Variants in QSER1 observed in about 807,000 individuals in gnomAD.
QSER1 encodes glutamine and serine rich 1, also known as glutamine and serine-rich protein 1.
In QSER1, 49 loss-of-function variants were observed where a neutral mutation model predicts 158.5. The ratio of observed to expected loss-of-function variants is 0.31; its 90% CI spans 0.25 to 0.39. The LOEUF (loss-of-function observed/expected upper bound fraction) is 0.39. Among genes scored for constraint, QSER1 ranks in the 10% least tolerant of loss-of-function variants. QSER1 has a pLI of 1.00. For missense variants in QSER1, 1,754 were observed against 2,010.3 expected, an observed-to-expected ratio of 0.87 and a Z score of 2.44; for synonymous variants, 650 against 715.5, an observed-to-expected ratio of 0.91 and a Z score of 1.46.
intron 1 of QSER1, among the ~76,000 whole-genome samples, chr11:32,911,646 A>G (rs945867481): frequency 2.6e-5 from 4 of 152,104 alleles, no homozygotes; most frequent in African/African-American, 9.7e-5. Context: ...AGATCTGACA[A>G]TTTAAAAGTG....
Position 32,924,775 on chromosome 11 carries a change from A to G in QSER1, c.210-2382A>G, listed in dbSNP as rs1369827537. Among the ~76,000 whole-genome samples, 3 of 151,936 alleles carry G rather than the reference A, an allele frequency of 2.0e-5. No individual in the cohort carries two copies. The East Asian group carries it at 5.8e-4, about 29-fold the overall frequency. ...CTTTTATTTTAGATTCAGGGGGTACATGTGCAGGTTTGTTACAGCATGATG... is the reference window on the plus strand; with the variant it reads ...CTTTTATTTTAGATTCAGGGGGTACGTGTGCAGGTTTGTTACAGCATGATG... On this transcript the variant is annotated intron_variant, in intron 1 of 12. Transcript: ENST00000650167.
rs996784213 is a variant in QSER1 at position 32,933,987 on chromosome 11, A to G, written c.2729A>G (p.His910Arg). 1 of 1,613,812 alleles carries G rather than the reference A, an allele frequency of 6.2e-7. No homozygotes were observed. The highest frequency in any genetic ancestry group is 8.5e-7 in the Non-Finnish European group (1 of 1,179,960). The change falls in exon 4 of 13, where the codon CAT becomes CGT. Residue 910 changes from histidine to arginine, a missense_variant. Around this residue, in one of 2 missense-constraint regions of QSER1, gnomAD observed 1,707 missense variants for 1,919.6 expected, o/e 0.89. Coordinates refer to ENST00000650167, the MANE Select transcript of QSER1 (RefSeq NM_001076786.3). ...EGHVIQSNGD[H>R]SQQQLHPQNS... Reference sequence around the variant, plus strand: ...CATGTTATTCAAAGCAATGGTGATCATTCTCAGCAGCAACTCCATCCTCAA... The same window carrying G: ...CATGTTATTCAAAGCAATGGTGATCGTTCTCAGCAGCAACTCCATCCTCAA...
intron 1 of QSER1, among the ~76,000 whole-genome samples, chr11:32,920,443 A>C (rs568787487): frequency 1.8e-3 from 271 of 152,320 alleles, no homozygotes; most frequent in African/African-American, 6.1e-3. Context: ...CATGGGCATA[A>C]ATCTTCATGA....
chr11:32,976,787 T>C lies in QSER1; in HGVS notation c.*313T>C, dbSNP rs1401122258. On this transcript the variant is annotated 3_prime_UTR_variant, in exon 13 of 13. Coordinates refer to ENST00000650167, the MANE Select transcript of QSER1 (RefSeq NM_001076786.3). The stretch of plus-strand genomic sequence containing the variant: ...TGATGAAGCATGCACTAAGTATAAT[T>C]TTTTTTTATTGCTAGAGAAGTAACA... 7 of 224,622 alleles carry C rather than the reference T, an allele frequency of 3.1e-5. No individual in the cohort carries two copies. The highest frequency in any genetic ancestry group is 5.2e-5 in the Non-Finnish European group (6 of 115,626). 13.9% of individuals were successfully genotyped at this position (224,622 alleles called of 1,614,324 possible). A position where few individuals can be genotyped will look rare whatever the true frequency, so the allele number is the denominator to read the frequency against.
intron 8 of QSER1, among the ~76,000 whole-genome samples, chr11:32,963,068 A>C (rs1028591230): frequency 2.6e-5 from 4 of 152,220 alleles, no homozygotes; most frequent in Non-Finnish European, 5.9e-5. Flanking sequence ...CTATTTCATC[A>C]CACAGAATAT....
At chr11:32,913,086 A>G (rs1420350712) in intron 1 of QSER1, among the ~76,000 whole-genome samples, 2 of 149,822 alleles carry the variant, frequency 1.3e-5, no homozygotes, top group Non-Finnish European at 2.9e-5. Context: ...CTAATGTGCC[A>G]TCTTAGGGAT....
Position 32,933,670 on chromosome 11 carries a change from C to T in QSER1, c.2412C>T (p.Asp804=), listed in dbSNP as rs933261080. 6 of 1,613,556 alleles carry T rather than the reference C, an allele frequency of 3.7e-6. No individual in the cohort carries two copies. Among genetic ancestry groups the T allele is most frequent in the Admixed American group, 1.7e-5 (1 of 59,938 alleles). ...CACAAATAAGGTTGAATACTAAAGA[C>T]TTAAAGCAGCAACATCCTCTCATAC... is the stretch of plus-strand genomic sequence containing the variant. The part of the protein sequence containing the change: ...QTPQIRLNTK[D]LKQQHPLILK... Residue 804 remains aspartate, a synonymous_variant, in exon 4 of 13, where the codon GAC becomes GAT. Coordinates refer to ENST00000650167, the MANE Select transcript of QSER1 (RefSeq NM_001076786.3).
intron 1 of QSER1, among the ~76,000 whole-genome samples, chr11:32,895,228 T>C (rs1851539755): frequency 6.6e-6 from 1 of 152,200 alleles, no homozygotes; most frequent in African/African-American, 2.4e-5. Context: ...CTAGAAGTTA[T>C]TGAATCTTAA....
intron 1 of QSER1, among the ~76,000 whole-genome samples, chr11:32,926,471 A>G (rs1015550155): frequency 7.9e-5 from 12 of 152,198 alleles, no homozygotes; most frequent in African/African-American, 2.4e-4. Flanking sequence ...TGTATAGAGG[A>G]AAATAAATGT....
Position 32,893,740 on chromosome 11 carries a change from A to G in QSER1, c.209+406A>G, listed in dbSNP as rs565724326. On this transcript the variant is annotated intron_variant, in intron 1 of 12. Coordinates refer to ENST00000650167, the MANE Select transcript of QSER1 (RefSeq NM_001076786.3). This position sits in a 1 kb window ranked among gnomAD's most constrained non-coding sequence, Gnocchi z 4.7. ...CATTGTATTGGAACCTGGGTGGCCG[A>G]CAATGCGGTCTTGGGGACTCCGGCG... Among the ~76,000 whole-genome samples the G allele has an allele frequency of 6.7e-4, 102 of 152,274 alleles. No homozygotes were observed. The highest frequency in any genetic ancestry group is 2.4e-3 in the African/African-American group (101 of 41,556).
rs1195480961 is a variant in QSER1 at position 32,934,965 on chromosome 11, C to T, written c.3707C>T (p.Thr1236Ile). The change falls in exon 4 of 13, where the codon ACA (threonine) becomes ATA (isoleucine). Residue 1236 changes from threonine to isoleucine, a missense_variant. Transcript: ENST00000650167. The stretch of plus-strand genomic sequence containing the variant: ...GGCAAACGCCAGAATCCAAGGGGAA[C>T]AGATATTTACTTACCGTATACTCCT... ...AQGKRQNPRG[T>I]DIYLPYTPPS... 2.5e-6 allele frequency: 4 copies of T among 1,614,014 alleles called. No homozygotes were observed. The highest frequency in any genetic ancestry group is 2.7e-5 in the African/African-American group (2 of 74,936).
chr11:32,916,050 C>A (rs1289407625), intron 1 of QSER1, among the ~76,000 whole-genome samples: 1 of 151,670 alleles, frequency 6.6e-6, no homozygotes, highest in African/African-American at 2.4e-5. Flanking sequence ...TACAGGCATG[C>A]GCCACCACAC....
At chr11:32,910,565 T>C (rs930613746) in intron 1 of QSER1, among the ~76,000 whole-genome samples, 1 of 152,220 alleles carries the variant, frequency 6.6e-6, no homozygotes, top group African/African-American at 2.4e-5. Context: ...AACTTTGTCA[T>C]TGTGTATGCC....
Position 32,933,592 on chromosome 11 carries a change from C to CTT in QSER1, c.2334_2335insTT (p.Asn779LeufsTer15). The CTT allele has an allele frequency of 6.2e-7, 1 of 1,613,938 alleles. No homozygotes were observed. ...AACTTAACCAACAAATTGGCCAAGT[C>CTT]AATAATGCAGCTACCCTTGATCTTA... is the stretch of plus-strand genomic sequence containing the variant. On this transcript the variant is annotated frameshift_variant, in exon 4 of 13. Coordinates refer to ENST00000650167, the MANE Select transcript of QSER1 (RefSeq NM_001076786.3). LOFTEE classifies it high-confidence loss of function.
intron 1 of QSER1, among the ~76,000 whole-genome samples, chr11:32,894,477 A>T (rs529642533): frequency 9.4e-4 from 143 of 152,312 alleles, no homozygotes; most frequent in Non-Finnish European, 1.7e-3. Flanking sequence ...ATCTCATCAG[A>T]TTTCTTCATT....
intron 4 of QSER1, among the ~76,000 whole-genome samples, chr11:32,944,362 T>C (rs1335814732): frequency 6.8e-6 from 1 of 147,608 alleles, no homozygotes; most frequent in African/African-American, 2.5e-5. Context: ...TGCTTTCTCT[T>C]GTGGGCATTT....
At chr11:32,968,142 T>TA (rs1416117581) in intron 9 of QSER1, among the ~76,000 whole-genome samples, 1 of 152,216 alleles carries the variant, frequency 6.6e-6, no homozygotes, top group Non-Finnish European at 1.5e-5. Context: ...AGATTATTTT[T>TA]AAATCACAAA....
intron 1 of QSER1, among the ~76,000 whole-genome samples, chr11:32,910,171 C>T (rs535471191): frequency 6.6e-6 from 1 of 152,322 alleles, no homozygotes; most frequent in South Asian, 2.1e-4. Flanking sequence ...TGTTCTTTCT[C>T]TTCCTTTGGT....
At chr11:32,943,105 G>T (rs1270382704) in intron 4 of QSER1, among the ~76,000 whole-genome samples, 4 of 151,862 alleles carry the variant, frequency 2.6e-5, no homozygotes, top group African/African-American at 9.7e-5. Flanking sequence ...CTTTGCTGAA[G>T]TTGCTTATCA....
Sources: allele counts gnomAD v4.1 joint callset (sites outside exome capture counted in the v4.1 genomes callset), GRCh38; gene constraint gnomAD v4.1.1; regional missense constraint gnomAD v4.1.1; non-coding constraint Gnocchi (gnomAD v3.1); transcripts MANE v1.5; gene names NCBI Gene and HGNC (gene_info 2026-07-23, HGNC 2026-07-21).